PDE8B: variants seen among roughly 807,000 people sequenced by gnomAD.
The protein encoded by PDE8B is phosphodiesterase 8B, also known as high affinity cAMP-specific and IBMX-insensitive 3',5'-cyclic phosphodiesterase 8B.
PDE8B carries 26 observed loss-of-function variants against 101.3 expected under a neutral mutation model. That is an observed-to-expected ratio of 0.26 (90% CI 0.19 to 0.36). The LOEUF (loss-of-function observed/expected upper bound fraction) is 0.36, where lower values mean the gene tolerates loss of function less well. Ranked by LOEUF, PDE8B falls within the 10% of genes least tolerant of loss-of-function variation. The probability of loss-of-function intolerance (pLI) is 1.00; values close to 1 mark genes in which losing one functional copy is unlikely to be tolerated. For synonymous variants in PDE8B, 424 were observed against 429.3 expected (o/e 0.99, Z 0.15); for missense variants, 810 against 1,163.1 (o/e 0.70, Z 4.42).
At chr5:77,387,871 A>T (rs908727928) in intron 10 of PDE8B, among the ~76,000 whole-genome samples, 2 of 151,704 alleles carry the variant, frequency 1.3e-5, no homozygotes, top group African/African-American at 4.8e-5. Flanking sequence ...CAATTCGGCT[A>T]TTGATACTTG....
chr5:77,310,568 CA>C (rs921995579), intron 1 of PDE8B, among the ~76,000 whole-genome samples: 7 of 152,256 alleles, frequency 4.6e-5, no homozygotes, highest in Non-Finnish European at 8.8e-5. Flanking sequence ...AACTTGTTCA[CA>C]GGCTCAGGGA....
At chr5:77,381,114 C>T (rs937036101) in intron 10 of PDE8B, among the ~76,000 whole-genome samples, 1 of 152,216 alleles carries the variant, frequency 6.6e-6, no homozygotes, top group Admixed American at 6.5e-5. Flanking sequence ...GGCCATGCAG[C>T]AGAGCCTCAT....
At chr5:77,268,021 T>C (rs1228778446) in intron 1 of PDE8B, among the ~76,000 whole-genome samples, 1 of 151,728 alleles carries the variant, frequency 6.6e-6, no homozygotes, top group Non-Finnish European at 1.5e-5. Context: ...TTAGTGATTA[T>C]CTTCATTTAA....
intron 10 of PDE8B, among the ~76,000 whole-genome samples, chr5:77,367,841 C>T (rs1344097587): frequency 3.9e-5 from 6 of 152,078 alleles, no homozygotes; most frequent in Admixed American, 6.5e-5. Context: ...GAAGTTCTAC[C>T]GTTTTCTAAG....
At chr5:77,134,527 TC>T in the PDE8B span, 1 of 152,258 alleles carries the variant, frequency 6.6e-6, no homozygotes, top group Non-Finnish European at 1.5e-5. Context: ...TTGGACTCTT[TC>T]TATGAAGAGA....
chr5:77,127,300 C>T, the PDE8B span, among the ~76,000 whole-genome samples: 44 of 152,232 alleles, frequency 2.9e-4, no homozygotes, highest in African/African-American at 9.6e-4. Flanking sequence ...ATGCTGTTCT[C>T]GTGATAATGA....
chr5:77,366,812 T>TA (rs1784233295), intron 10 of PDE8B, among the ~76,000 whole-genome samples: 1 of 152,158 alleles, frequency 6.6e-6, no homozygotes, highest in Non-Finnish European at 1.5e-5. Flanking sequence ...GCAACATCTT[T>TA]AAAACATCCA....
At chr5:77,187,644 G>A in the PDE8B span, among the ~76,000 whole-genome samples, 1 of 152,152 alleles carries the variant, frequency 6.6e-6, no homozygotes, top group Non-Finnish European at 1.5e-5. Flanking sequence ...ATGGCAAAGA[G>A]GGGACTAGAA....
chr5:77,374,209 A>G (rs940182552), intron 10 of PDE8B, among the ~76,000 whole-genome samples: 4 of 152,026 alleles, frequency 2.6e-5, no homozygotes, highest in African/African-American at 9.7e-5. Context: ...CAGCCTTCTT[A>G]TGCTTGTTTG....
At chr5:77,358,400 A>AG in intron 10 of PDE8B, 1 of 981,620 alleles carries the variant, frequency 1.0e-6, no homozygotes, top group Non-Finnish European at 1.2e-6. Flanking sequence ...AAGAGGGAGC[A>AG]GGGACACTTT....
chr5:77,122,589 C>T, the PDE8B span, among the ~76,000 whole-genome samples: 1 of 152,172 alleles, frequency 6.6e-6, no homozygotes, highest in Non-Finnish European at 1.5e-5. Context: ...CCTACTTCTA[C>T]CTCATGTTTC....
the PDE8B span, chr5:77,143,908 A>G: frequency 1.4e-5 from 2 of 145,354 alleles, no homozygotes; most frequent in Non-Finnish European, 3.0e-5. Flanking sequence ...TGGCAGTCCA[A>G]GTTCACACAG....
chr5:77,391,065 G>C (rs1368986731), intron 10 of PDE8B, among the ~76,000 whole-genome samples: 3 of 152,164 alleles, frequency 2.0e-5, no homozygotes, highest in Non-Finnish European at 4.4e-5. Flanking sequence ...CCAAACCACA[G>C]ACCCACTCAT....
At chr5:77,192,186 G>T in the PDE8B span, among the ~76,000 whole-genome samples, 1 of 152,172 alleles carries the variant, frequency 6.6e-6, no homozygotes, top group Non-Finnish European at 1.5e-5. Flanking sequence ...TGGCCCAGGG[G>T]TTGGGGACTC....
chr5:77,394,551 G>C (rs1790614218), intron 10 of PDE8B, among the ~76,000 whole-genome samples: 1 of 152,134 alleles, frequency 6.6e-6, no homozygotes, highest in South Asian at 2.1e-4. Context: ...CATTCTGTGG[G>C]CTCAGGCAGT....
At chr5:77,366,749 A>G (rs1784220617) in intron 10 of PDE8B, among the ~76,000 whole-genome samples, 1 of 152,190 alleles carries the variant, frequency 6.6e-6, no homozygotes, top group South Asian at 2.1e-4. Context: ...TTGTCTGAAC[A>G]GTGGCCCCAG....
the PDE8B span, among the ~76,000 whole-genome samples, chr5:77,143,084 T>C: frequency 2.0e-5 from 3 of 151,882 alleles, no homozygotes; most frequent in Admixed American, 6.6e-5. Context: ...CCCAAGGAGG[T>C]GGGGAGGGCC....
the PDE8B span, among the ~76,000 whole-genome samples, chr5:77,159,083 G>A: frequency 6.6e-6 from 1 of 152,212 alleles, no homozygotes; most frequent in South Asian, 2.1e-4. Flanking sequence ...GGTCTCAATG[G>A]GACTTGATTG....
chr5:77,138,843 G>GA, the PDE8B span, among the ~76,000 whole-genome samples: 1 of 152,028 alleles, frequency 6.6e-6, no homozygotes, highest in Non-Finnish European at 1.5e-5. Flanking sequence ...ATCCAAAAAA[G>GA]AAAAAAGTCT....
Sources: gnomAD v4.1 joint callset for allele counts (sites outside exome capture counted in the v4.1 genomes callset) on GRCh38, gnomAD v4.1.1 for gene constraint, MANE v1.5 for transcripts, NCBI Gene and HGNC (gene_info 2026-07-23, HGNC 2026-07-21) for gene names.